Variants in OTULIN observed in about 807,000 individuals in gnomAD.
OTULIN encodes OTU deubiquitinase with linear linkage specificity, also known as ubiquitin thioesterase otulin.
In OTULIN, 15 loss-of-function variants were observed where a neutral mutation model predicts 39.6. The ratio of observed to expected loss-of-function variants is 0.38; its 90% CI spans 0.25 to 0.58. The LOEUF (loss-of-function observed/expected upper bound fraction) is 0.58. OTULIN is among the 20% of genes least tolerant of loss of function. The pLI is 0.66. For synonymous variants in OTULIN, 156 were observed against 170.3 expected (o/e 0.92, Z 0.65); for missense variants, 319 against 445.9 (o/e 0.72, Z 2.56).
the OTULIN span, chr5:14,706,895 T>G: frequency 6.6e-6 from 1 of 152,238 alleles, no homozygotes; most frequent in Non-Finnish European, 1.5e-5. Flanking sequence ...GTGAGGGCGA[T>G]GTCTACAGAA....
chr5:14,709,303 A>AAT, the OTULIN span: 3 of 152,014 alleles, frequency 2.0e-5, no homozygotes, highest in African/African-American at 7.3e-5. Context: ...AAGCTGATAC[A>AAT]TTGAGATTTT....
At chr5:14,711,099 C>CA in the OTULIN span, 326 of 1,135,218 alleles carry the variant, frequency 2.9e-4, 2 homozygotes, top group Non-Finnish European at 3.9e-4. Flanking sequence ...CAAAACAAAA[C>CA]AAAAAAAAGG....
rs1579979192 is a variant in OTULIN, at chr5:14,693,088, T to C, written c.*40T>C. On this transcript the variant is annotated 3_prime_UTR_variant, in exon 7 of 7. Transcript: ENST00000284274. ...TGACAGCCTGGCGACGTGGCGAAGA[T>C]GCACAGGTGGCTCCTGGGCTTGGGC... The C allele has an allele frequency of 6.5e-7, 1 of 1,545,370 alleles. No individual in the cohort carries two copies. Among genetic ancestry groups the C allele is most frequent in the East Asian group, 2.4e-5 (1 of 41,448 alleles).
Position 14,664,864 on chromosome 5 carries a change from A to C in OTULIN, c.39A>C (p.Pro13=). Reference sequence around the variant, plus strand: ...CTATGCCCCAGCCCGAAGCGTGGCCAGGCGCGAGCTGCGCCGAGACGCCGG... The same window carrying C: ...CTATGCCCCAGCCCGAAGCGTGGCCCGGCGCGAGCTGCGCCGAGACGCCGG... ...RGTMPQPEAW[P]GASCAETPAR... is the part of the protein sequence containing the mutation. Residue 13 remains proline (P), a synonymous_variant, in exon 1 of 7, where the codon CCA becomes CCC. Coordinates refer to ENST00000284274, the MANE Select transcript of OTULIN (RefSeq NM_138348.6). 8.3e-7 allele frequency: 1 copy of C among 1,206,116 alleles called. No individual in the cohort carries two copies. The allele number at this position is 1,206,116 out of a possible 1,614,324, so 74.7% of individuals were successfully genotyped here.
At chr5:14,711,273 TC>T in the OTULIN span, 1 of 1,614,010 alleles carries the variant, frequency 6.2e-7, no homozygotes, top group Admixed American at 1.7e-5. Context: ...GGCAGAGTCT[TC>T]CCCCTCCGTG....
At chr5:14,710,055 C>T in the OTULIN span, 4 of 152,046 alleles carry the variant, frequency 2.6e-5, no homozygotes, top group South Asian at 2.1e-4. Context: ...ATTTCGAATG[C>T]GTTATTTCAG....
At chr5:14,700,967 C>G (rs548446747), downstream of OTULIN, among the ~76,000 whole-genome samples, 266 of 152,296 alleles carry the variant, frequency 1.7e-3, 2 homozygotes, top group Admixed American at 5.6e-3. Flanking sequence ...AAAGCTGTGA[C>G]AGTTGCTCAC....
the OTULIN span, chr5:14,707,467 T>C: frequency 6.6e-6 from 1 of 152,174 alleles, no homozygotes; most frequent in African/African-American, 2.4e-5. Flanking sequence ...TCTGAAAATA[T>C]AAGTGAATAA....
At chr5:14,707,562 C>T in the OTULIN span, 3 of 152,200 alleles carry the variant, frequency 2.0e-5, no homozygotes, top group Non-Finnish European at 2.9e-5. Context: ...GAGCTGGCCC[C>T]GCTGCGACGC....
At chr5:14,704,147 T>C (rs1458152875), downstream of OTULIN, among the ~76,000 whole-genome samples, 1 of 151,696 alleles carries the variant, frequency 6.6e-6, no homozygotes, top group Non-Finnish European at 1.5e-5. Flanking sequence ...CTAGCCAACA[T>C]GGTGAAACCC....
rs370041749 is a variant in OTULIN, at chr5:14,670,211, C to G, written c.153-3431C>G. ...GTTTCTTTTGTGTCAGAGTGGATAC[C>G]TCTCCACCACCACCCCAACTTGACA... On this transcript the variant is annotated intron_variant, in intron 1 of 6. Coordinates refer to ENST00000284274, the MANE Select transcript of OTULIN (RefSeq NM_138348.6). 9.9e-5 allele frequency among the ~76,000 whole-genome samples: 15 copies of G among 152,224 alleles called. No homozygotes were observed. In the South Asian group the frequency reaches 2.9e-3, roughly 29 times the overall value.
chr5:14,711,052 T>TG, the OTULIN span: 3 of 760,890 alleles, frequency 3.9e-6, no homozygotes, highest in Non-Finnish European at 4.7e-6. Flanking sequence ...GCTAGAGAAT[T>TG]GACACGAAAC....
intron 6 of OTULIN, among the ~76,000 whole-genome samples, 175 bp from the exon 7 acceptor site, chr5:14,692,679 C>CTTCTT (rs1736559545): frequency 7.0e-6 from 1 of 143,236 alleles, no homozygotes; most frequent in African/African-American, 2.6e-5. Context: ...TGATTATCTG[C>CTTCTT]TTTTTTTTTT....
chr5:14,692,073 A>G (rs1736542089), intron 6 of OTULIN, among the ~76,000 whole-genome samples: 1 of 152,054 alleles, frequency 6.6e-6, no homozygotes, highest in South Asian at 2.1e-4. Flanking sequence ...AATTTTTTTT[A>G]TGTGAACATA....
the OTULIN span, chr5:14,713,775 C>A: frequency 6.6e-7 from 1 of 1,523,770 alleles, no homozygotes. The surrounding 1 kb of genome is among the most constrained non-coding windows in gnomAD (Gnocchi z 4.4). Flanking sequence ...GCCTAGGACC[C>A]TGGCCTTGCT....
chr5:14,693,094 G>T lies in OTULIN; in HGVS notation c.*46G>T, dbSNP rs779964130. ...CCTGGCGACGTGGCGAAGATGCACA[G>T]GTGGCTCCTGGGCTTGGGCTGCAGG... On this transcript the variant is annotated 3_prime_UTR_variant, in exon 7 of 7. Transcript: ENST00000284274. The T allele has an allele frequency of 2.2e-5, 33 of 1,530,010 alleles. No individual in the cohort carries two copies. Among genetic ancestry groups the T allele is most frequent in the Non-Finnish European group, 2.8e-5 (32 of 1,128,540 alleles). 94.8% of individuals were successfully genotyped at this position (1,530,010 alleles called of 1,614,324 possible). A position where few individuals can be genotyped will look rare whatever the true frequency, so the allele number is the denominator to read the frequency against.
At chr5:14,713,106 C>T in the OTULIN span, 14 of 873,364 alleles carry the variant, frequency 1.6e-5, no homozygotes, top group Non-Finnish European at 2.2e-5. The surrounding 1 kb of genome is among the most constrained non-coding windows in gnomAD (Gnocchi z 4.4). Context: ...CTGCTGGCTT[C>T]GTAAGGGCCG....
At chr5:14,688,632 A>G (rs1736446891) in intron 5 of OTULIN, among the ~76,000 whole-genome samples, 1 of 152,228 alleles carries the variant, frequency 6.6e-6, no homozygotes, top group African/African-American at 2.4e-5. Flanking sequence ...TATACTGTCA[A>G]AGGAAGTCCA....
At chr5:14,687,437 T>G in intron 4 of OTULIN, 84 bp from the exon 5 acceptor site, 1 of 1,474,130 alleles carries the variant, frequency 6.8e-7, no homozygotes, top group Non-Finnish European at 9.2e-7. Context: ...TTTATAGACT[T>G]TGTGGTTTCT....
Sources: gnomAD v4.1 joint callset for allele counts (sites outside exome capture counted in the v4.1 genomes callset) on GRCh38, gnomAD v4.1.1 for gene constraint, Gnocchi (gnomAD v3.1) non-coding constraint, MANE v1.5 for transcripts, NCBI Gene and HGNC (gene_info 2026-07-23, HGNC 2026-07-21) for gene names.